Variants in PNPLA3 observed in about 807,000 individuals in gnomAD.
PNPLA3 encodes patatin like domain 3, 1-acylglycerol-3-phosphate O-acyltransferase.
PNPLA3 carries 42 observed loss-of-function variants against 43.1 expected under a neutral mutation model. That is an observed-to-expected ratio of 0.97 (90% CI 0.76 to 1.26). The LOEUF (loss-of-function observed/expected upper bound fraction) is 1.26. Among genes scored for constraint, PNPLA3 ranks in the 50% most tolerant of loss-of-function variants. The pLI, the probability that PNPLA3 is intolerant of heterozygous loss-of-function variation, is 0.00. For synonymous variants in PNPLA3, 272 were observed against 253.6 expected, an observed-to-expected ratio of 1.07 and a Z score of -0.69; for missense variants, 647 against 621.4, an observed-to-expected ratio of 1.04 and a Z score of -0.44.
At chr22:43,940,771 T>G (rs766637086) in intron 7 of PNPLA3, among the ~76,000 whole-genome samples, 10 of 152,032 alleles carry the variant, frequency 6.6e-5, no homozygotes, top group Non-Finnish European at 1.5e-4. Context: ...ATTGTACCAC[T>G]GCACTCCAGC....
At chr22:43,934,351 A>G (rs1407050100) in intron 4 of PNPLA3, among the ~76,000 whole-genome samples, 8 of 151,626 alleles carry the variant, frequency 5.3e-5, no homozygotes, top group Admixed American at 4.6e-4. Context: ...AGTAAAAGGA[A>G]AAAAAAGAGG....
At chr22:43,942,747 G>A (rs1253814937) in intron 7 of PNPLA3, among the ~76,000 whole-genome samples, 1 of 136,172 alleles carries the variant, frequency 7.3e-6, no homozygotes, top group East Asian at 2.3e-4. Flanking sequence ...CTGGTGCCCA[G>A]GCTGGAATGC....
At chr22:43,934,839 A>G (rs1403967309) in intron 5 of PNPLA3, among the ~76,000 whole-genome samples, 173 bp downstream of exon 5, 1 of 151,964 alleles carries the variant, frequency 6.6e-6, no homozygotes, top group Non-Finnish European at 1.5e-5. Flanking sequence ...CATTGTACAG[A>G]TGGGGAAACA....
At chr22:43,928,361 G>A (rs902629648) in intron 2 of PNPLA3, among the ~76,000 whole-genome samples, 7 of 152,190 alleles carry the variant, frequency 4.6e-5, no homozygotes, top group Admixed American at 1.3e-4. Context: ...CAGAGCAGCA[G>A]CTCCTTTGAG....
At chr22:43,924,471 C>G in intron 1 of PNPLA3, 1 of 215,444 alleles carries the variant, frequency 4.6e-6, no homozygotes. Flanking sequence ...CTGGCCCCTG[C>G]GGACTCCGGG....
chr22:43,925,659 C>G (rs570166452), intron 1 of PNPLA3, among the ~76,000 whole-genome samples: 90 of 152,282 alleles, frequency 5.9e-4, no homozygotes, highest in African/African-American at 2.2e-3. Flanking sequence ...TTAGACAGTC[C>G]TGGCTGTCTG....
Position 43,927,286 on chromosome 22 carries a change from C to T in PNPLA3, c.420+119C>T, listed in dbSNP as rs1263570949. 5 of 806,716 alleles carry T rather than the reference C, an allele frequency of 6.2e-6. No homozygotes were observed. The East Asian group carries it at 1.1e-4, about 17-fold the overall frequency. 50.0% of individuals were successfully genotyped at this position (806,716 alleles called of 1,614,324 possible). ...GGCCGAAGCGGGTGGGTTGCTTGAG[C>T]CCAGGAGCTCGAGACCAACATGATG... On this transcript the variant is annotated intron_variant, in intron 2 of 8. Transcript: ENST00000216180.
intron 6 of PNPLA3, chr22:43,939,495 C>A: frequency 1.2e-6 from 1 of 841,706 alleles, no homozygotes; most frequent in Non-Finnish European, 1.4e-6. Flanking sequence ...CTCCCCGCTT[C>A]AGCTTCACAC....
intron 1 of PNPLA3, 74 bp from the exon 2 acceptor site, chr22:43,926,861 G>T: frequency 1.5e-6 from 2 of 1,299,536 alleles, no homozygotes; most frequent in Admixed American, 1.9e-5. Flanking sequence ...CTTGCTGTCT[G>T]GTTTCTGGCC....
chr22:43,931,106 A>G (rs370140025), intron 3 of PNPLA3, among the ~76,000 whole-genome samples: 1 of 152,136 alleles, frequency 6.6e-6, no homozygotes, highest in East Asian at 1.9e-4. Context: ...CAGCCTGGGC[A>G]ACAAAGCGAG....
chr22:43,933,966 G>A (rs2049978002), intron 4 of PNPLA3, among the ~76,000 whole-genome samples: 1 of 152,174 alleles, frequency 6.6e-6, no homozygotes, highest in Non-Finnish European at 1.5e-5. Flanking sequence ...TGGCAATTGG[G>A]ATAGGCTGCA....
At chr22:43,930,889 G>T (rs115671299) in intron 3 of PNPLA3, among the ~76,000 whole-genome samples, 33 of 152,150 alleles carry the variant, frequency 2.2e-4, no homozygotes, top group African/African-American at 7.0e-4. Flanking sequence ...GGAGTACCAG[G>T]CCGAGGTGGG....
chr22:43,943,358 C>A (rs2050043334), intron 7 of PNPLA3, among the ~76,000 whole-genome samples: 1 of 152,114 alleles, frequency 6.6e-6, no homozygotes, highest in African/African-American at 2.4e-5. Flanking sequence ...GGTGCATCAC[C>A]TGGCAGAGCT....
chr22:43,927,221 G>A, intron 2 of PNPLA3, 54 bp downstream of exon 2: 1 of 1,533,280 alleles, frequency 6.5e-7, no homozygotes, highest in South Asian at 1.2e-5. Flanking sequence ...GTTTTGGGAT[G>A]GGTGTGGTGG....
At chr22:43,944,543 C>A in intron 7 of PNPLA3, 148 bp from the exon 8 acceptor site, 1 of 648,414 alleles carries the variant, frequency 1.5e-6, no homozygotes, top group Non-Finnish European at 2.8e-6. Flanking sequence ...TTCAGGTGGG[C>A]TTGTCCTTGT....
chr22:43,939,772 C>T (rs536186654), intron 6 of PNPLA3, among the ~76,000 whole-genome samples: 40 of 144,980 alleles, frequency 2.8e-4, no homozygotes, highest in Admixed American at 4.3e-4. Flanking sequence ...GCCGAGATTG[C>T]GCCATTGCAC....
chr22:43,929,322 A>G (rs2049946338), intron 3 of PNPLA3, among the ~76,000 whole-genome samples: 1 of 151,732 alleles, frequency 6.6e-6, no homozygotes, highest in Non-Finnish European at 1.5e-5. Flanking sequence ...CTAAAAATAC[A>G]AAAATTAGCT....
At chr22:43,924,301 C>A in intron 1 of PNPLA3, 1 of 634,646 alleles carries the variant, frequency 1.6e-6, no homozygotes, top group South Asian at 2.6e-5. Flanking sequence ...GGCGTTGGAA[C>A]CCCGAGCGGT....
At chr22:43,938,977 G>A (rs1391969529) in intron 6 of PNPLA3, among the ~76,000 whole-genome samples, 2 of 152,208 alleles carry the variant, frequency 1.3e-5, no homozygotes, top group Non-Finnish European at 2.9e-5. Context: ...AGGCTGGAGT[G>A]TGCAGTGGCG....
Sources: allele counts gnomAD v4.1 joint callset (sites outside exome capture counted in the v4.1 genomes callset), GRCh38; gene constraint gnomAD v4.1.1; transcripts MANE v1.5; gene names NCBI Gene and HGNC (gene_info 2026-07-23, HGNC 2026-07-21).